The following SUCLG2 variants were observed in gnomAD, a reference collection of about 807,000 sequenced individuals.
SUCLG2 encodes the protein succinate--CoA ligase [GDP-forming] subunit beta, mitochondrial.
A neutral mutation model predicts 47.9 loss-of-function variants in SUCLG2; 42 were observed. That is an observed-to-expected ratio of 0.88 (90% CI 0.69 to 1.14). The LOEUF (loss-of-function observed/expected upper bound fraction) is 1.14. Among genes scored for constraint, SUCLG2 ranks in the 50% most tolerant of loss-of-function variants. The pLI, the probability that SUCLG2 is intolerant of heterozygous loss-of-function variation, is 0.00. For synonymous variants in SUCLG2, 195 were observed against 197.3 expected (o/e 0.99, Z 0.10); for missense variants, 571 against 525.9 (o/e 1.09, Z -0.84).
intron 2 of SUCLG2, among the ~76,000 whole-genome samples, chr3:67,574,306 G>C (rs556145870): frequency 5.3e-4 from 81 of 152,258 alleles, no homozygotes; most frequent in African/African-American, 1.7e-3. Context: ...CATATTCACA[G>C]GTTCCAGGGC....
At chr3:67,493,971 T>C (rs532329370) in intron 9 of SUCLG2, among the ~76,000 whole-genome samples, 1 of 152,220 alleles carries the variant, frequency 6.6e-6, no homozygotes, top group African/African-American at 2.4e-5. Context: ...ATAACTTGGC[T>C]ATTCCTGAAC....
chr3:67,500,375 T>C (rs1189092442), intron 7 of SUCLG2, among the ~76,000 whole-genome samples: 1 of 152,200 alleles, frequency 6.6e-6, no homozygotes, highest in African/African-American at 2.4e-5. Context: ...AGTATATATA[T>C]AGACCGCACA....
intron 9 of SUCLG2, among the ~76,000 whole-genome samples, chr3:67,494,809 AG>A (rs1241039015): frequency 1.3e-5 from 2 of 152,342 alleles, no homozygotes; most frequent in Non-Finnish European, 2.9e-5. Flanking sequence ...GAGTATCTAC[AG>A]GTGAAACAAA....
chr3:67,434,021 T>G (rs1394219423), intron 9 of SUCLG2, among the ~76,000 whole-genome samples: 1 of 152,190 alleles, frequency 6.6e-6, no homozygotes, highest in Non-Finnish European at 1.5e-5. Context: ...ACACATACAC[T>G]AGAGGTTGAC....
intron 9 of SUCLG2, among the ~76,000 whole-genome samples, chr3:67,476,961 T>A (rs9874502): frequency 0.17 from 25,564 of 152,070 alleles, 3,910 homozygotes; most frequent in African/African-American, 0.4. Flanking sequence ...CCATGAAAAT[T>A]TTCTTGTGAT....
At chr3:67,567,795 T>TAAAC (rs909821934) in intron 2 of SUCLG2, among the ~76,000 whole-genome samples, 3 of 152,316 alleles carry the variant, frequency 2.0e-5, no homozygotes, top group Non-Finnish European at 4.4e-5. Context: ...TTTCCCAGCA[T>TAAAC]AAACTGTCTT....
chr3:67,505,927 A>C (rs1705624715), intron 7 of SUCLG2, among the ~76,000 whole-genome samples: 1 of 152,170 alleles, frequency 6.6e-6, no homozygotes, highest in African/African-American at 2.4e-5. Flanking sequence ...GTACCACTGC[A>C]CTCCAGCCTT....
chr3:67,446,226 C>T (rs1328257906), intron 9 of SUCLG2, among the ~76,000 whole-genome samples: 1 of 56,444 alleles, frequency 1.8e-5, no homozygotes, highest in Non-Finnish European at 3.8e-5. Flanking sequence ...CAATGCGCAG[C>T]TGGATTTGGA....
chr3:67,597,213 A>C (rs1708313125), intron 2 of SUCLG2, among the ~76,000 whole-genome samples: 1 of 152,206 alleles, frequency 6.6e-6, no homozygotes, highest in Non-Finnish European at 1.5e-5. Context: ...AAAGACACCG[A>C]GTTGATGTGT....
intron 6 of SUCLG2, among the ~76,000 whole-genome samples, chr3:67,517,748 A>C (rs1460031917): frequency 6.6e-6 from 1 of 152,260 alleles, no homozygotes; most frequent in East Asian, 1.9e-4. Context: ...TTAGCTATGA[A>C]AGAATAGCAA....
intron 4 of SUCLG2, among the ~76,000 whole-genome samples, chr3:67,523,131 A>G (rs2107134823): frequency 6.6e-6 from 1 of 152,308 alleles, no homozygotes; most frequent in South Asian, 2.1e-4. Context: ...TTCCACAAAA[A>G]AAAGTTACAG....
At chr3:67,413,770 A>G (rs1369565095) in intron 9 of SUCLG2, among the ~76,000 whole-genome samples, 1 of 152,220 alleles carries the variant, frequency 6.6e-6, no homozygotes, top group African/African-American at 2.4e-5. Flanking sequence ...AACGTAGACA[A>G]GCATTTGCTT....
At chr3:67,619,420 C>T (rs1248373454) in intron 1 of SUCLG2, among the ~76,000 whole-genome samples, 1 of 152,152 alleles carries the variant, frequency 6.6e-6, no homozygotes, top group East Asian at 1.9e-4. Context: ...GGAGCCTGTG[C>T]CCTTTAACTA....
intron 10 of SUCLG2, among the ~76,000 whole-genome samples, chr3:67,393,888 C>T (rs562315386): frequency 3.7e-4 from 56 of 152,250 alleles, no homozygotes; most frequent in African/African-American, 9.9e-4. Flanking sequence ...CTGCAGCCAC[C>T]GCCACTGATA....
At chr3:67,437,450 G>A (rs888577017) in intron 9 of SUCLG2, among the ~76,000 whole-genome samples, 1 of 152,082 alleles carries the variant, frequency 6.6e-6, no homozygotes. Flanking sequence ...GCTTTTTAAC[G>A]TACCAGATAG....
rs537879033 is a variant in SUCLG2, at chr3:67,392,840, G to C, written c.1183+7891C>G. Among the ~76,000 whole-genome samples the C allele has an allele frequency of 4.4e-4, 67 of 151,814 alleles. 1 individual carries two copies. Among genetic ancestry groups the C allele is most frequent in the African/African-American group, 1.5e-3 (64 of 41,400 alleles). On this transcript the variant is annotated intron_variant, in intron 10 of 10. Coordinates refer to ENST00000307227, the MANE Select transcript of SUCLG2 (RefSeq NM_003848.4). ...CACTGTACTTTTTTTTTTGAGATGG[G>C]GTCTTGCTAAGTTGCCCAGACTGGA...
At chr3:67,429,486 T>G (rs540581607) in intron 9 of SUCLG2, among the ~76,000 whole-genome samples, 9 of 152,296 alleles carry the variant, frequency 5.9e-5, no homozygotes, top group African/African-American at 1.9e-4. Flanking sequence ...TACCAGCCAC[T>G]GCAAAAACGT....
intron 9 of SUCLG2, among the ~76,000 whole-genome samples, chr3:67,435,887 T>C (rs377494589): frequency 2.0e-5 from 3 of 152,328 alleles, no homozygotes; most frequent in East Asian, 3.9e-4. Context: ...CTTTTCTTCA[T>C]ATATTTTAGA....
rs536876980 is a variant in SUCLG2, at chr3:67,570,948, T to C, written c.226+38507A>G. 1.1e-4 allele frequency among the ~76,000 whole-genome samples: 17 copies of C among 152,298 alleles called. No homozygotes were observed. In the East Asian group the frequency reaches 2.7e-3, roughly 24 times the overall value. ...TTTTGGGGAAACCTCACACTTGCAG[T>C]CAGTGTGAAAAGTAAAGACAGTCTT... is the stretch of plus-strand genomic sequence containing the variant. On this transcript the variant is annotated intron_variant, in intron 2 of 10. Transcript: ENST00000307227.
Sources: allele counts gnomAD v4.1 joint callset (sites outside exome capture counted in the v4.1 genomes callset), GRCh38; gene constraint gnomAD v4.1.1; transcripts MANE v1.5; gene names NCBI Gene and HGNC (gene_info 2026-07-23, HGNC 2026-07-21).